The following STK39 variants were observed in gnomAD, a reference collection of about 807,000 sequenced individuals.
STK39 encodes the protein STE20/SPS1-related proline-alanine-rich protein kinase.
Under a neutral mutation model 77.8 loss-of-function variants are expected in STK39, and 20 were observed. The ratio of observed to expected loss-of-function variants is 0.26; its 90% CI spans 0.18 to 0.37. STK39 has a LOEUF of 0.37. Among genes scored for constraint, STK39 ranks in the 10% least tolerant of loss-of-function variants. STK39 has a pLI of 1.00. For synonymous variants in STK39, 246 were observed against 234.1 expected (o/e 1.05, Z -0.47); for missense variants, 479 against 656.5 (o/e 0.73, Z 2.95).
At chr2:168,087,290 C>G (rs1183514014) in intron 10 of STK39, among the ~76,000 whole-genome samples, 1 of 152,180 alleles carries the variant, frequency 6.6e-6, no homozygotes, top group Admixed American at 6.5e-5. Flanking sequence ...GGGCTGGAAC[C>G]AGAAGATTTC....
chr2:168,017,191 G>T lies in STK39; in HGVS notation c.1377-96C>A, dbSNP rs544262762. 2.0e-4 allele frequency: 143 copies of T among 730,924 alleles called. No homozygotes were observed. The African/African-American group carries it at 2.4e-3, about 12-fold the overall frequency. The allele number at this position is 730,924 out of a possible 1,614,324, so 45.3% of individuals were successfully genotyped here. A position where few individuals can be genotyped will look rare whatever the true frequency, so the allele number is the denominator to read the frequency against. ...TTTTCACAAGATGCTACTAACATGT[G>T]GATAACATTTTACAGTTTGAGGTTA... On this transcript the variant is annotated intron_variant, in intron 14 of 17. Coordinates refer to ENST00000355999, the MANE Select transcript of STK39 (RefSeq NM_013233.3).
intron 12 of STK39, among the ~76,000 whole-genome samples, chr2:168,066,027 C>A (rs1463680184): frequency 6.7e-6 from 1 of 150,210 alleles, no homozygotes; most frequent in African/African-American, 2.5e-5. Flanking sequence ...AAAAACAACA[C>A]CAACAACAAC....
chr2:168,172,273 A>G (rs552485963), intron 2 of STK39, among the ~76,000 whole-genome samples: 60 of 152,352 alleles, frequency 3.9e-4, no homozygotes, highest in African/African-American at 1.3e-3. Flanking sequence ...AAAGGCACAG[A>G]GACAGACCAT....
chr2:167,972,070 C>T (rs1179714495), intron 16 of STK39, among the ~76,000 whole-genome samples: 1 of 152,184 alleles, frequency 6.6e-6, no homozygotes, highest in Non-Finnish European at 1.5e-5. Context: ...AGATGATTTT[C>T]CTTTATGATG....
intron 16 of STK39, among the ~76,000 whole-genome samples, chr2:167,980,207 C>A (rs1034155505): frequency 3.9e-5 from 6 of 152,126 alleles, no homozygotes; most frequent in African/African-American, 4.8e-5. Context: ...GATTAAAAAA[C>A]AAACACTTAT....
At chr2:167,964,812 T>C (rs1186863744) in intron 16 of STK39, 86 bp from the exon 17 acceptor site, 1 of 1,183,360 alleles carries the variant, frequency 8.5e-7, no homozygotes, top group Admixed American at 2.1e-5. Flanking sequence ...AAAATTTGAC[T>C]AATGATGCAA....
chr2:168,123,006 C>T (rs898349136), intron 10 of STK39, among the ~76,000 whole-genome samples: 3 of 152,152 alleles, frequency 2.0e-5, no homozygotes, highest in Admixed American at 6.6e-5. Context: ...TCAAAGTGAA[C>T]GTTGCCAGTA....
intron 1 of STK39, among the ~76,000 whole-genome samples, chr2:168,228,794 T>A (rs1340507361): frequency 6.6e-6 from 1 of 151,654 alleles, no homozygotes; most frequent in Non-Finnish European, 1.5e-5. Context: ...CTCAAATAAA[T>A]AAATTAATTA....
At chr2:168,212,801 T>C (rs1348588454) in intron 1 of STK39, among the ~76,000 whole-genome samples, 2 of 152,214 alleles carry the variant, frequency 1.3e-5, no homozygotes, top group East Asian at 3.8e-4. Flanking sequence ...GGTCCTCCGA[T>C]CATCCTCTCC....
At chr2:167,988,126 A>G (rs1366845232) in intron 16 of STK39, among the ~76,000 whole-genome samples, 1 of 152,138 alleles carries the variant, frequency 6.6e-6, no homozygotes, top group Non-Finnish European at 1.5e-5. Flanking sequence ...CCTCTCAGAT[A>G]GCATTTACCT....
In STK39 at chr2:168,081,963, CCT is replaced by C. The variant is rs1181366194; in HGVS notation, c.1090-6734_1090-6733del. On this transcript the variant is annotated intron_variant, in intron 10 of 17. Coordinates refer to ENST00000355999, the MANE Select transcript of STK39 (RefSeq NM_013233.3). ...CACATGGAACTATAAGCCCATTAAACCTCTATTTCTTTTGTAAATTGCCTAGT... is the reference window on the plus strand; with the variant it reads ...CACATGGAACTATAAGCCCATTAAACCTATTTCTTTTGTAAATTGCCTAGT... Among the ~76,000 whole-genome samples the C allele has an allele frequency of 3.3e-5, 5 of 152,292 alleles. No individual in the cohort carries two copies. In the South Asian group the frequency reaches 6.2e-4, roughly 19 times the overall value.
chr2:168,231,231 T>G (rs1360376991), intron 1 of STK39, among the ~76,000 whole-genome samples: 2 of 152,190 alleles, frequency 1.3e-5, no homozygotes, highest in Non-Finnish European at 2.9e-5. Flanking sequence ...AAAACATTTT[T>G]GGAAGTATTT....
chr2:168,069,443 A>G (rs1448483556), intron 12 of STK39, among the ~76,000 whole-genome samples: 3 of 152,240 alleles, frequency 2.0e-5, no homozygotes, highest in African/African-American at 7.2e-5. Context: ...AAACTTTTCA[A>G]TATACCTTTT....
intron 5 of STK39, among the ~76,000 whole-genome samples, chr2:168,146,908 A>G (rs1326685398): frequency 2.6e-5 from 4 of 152,342 alleles, no homozygotes; most frequent in Middle Eastern, 3.4e-3. Flanking sequence ...GAATTAAGAA[A>G]AGAGGAAGGA....
intron 2 of STK39, among the ~76,000 whole-genome samples, chr2:168,169,629 A>AGTGTGTGTGTGTGTGT (rs1285407377): frequency 9.4e-6 from 1 of 106,520 alleles, no homozygotes; most frequent in East Asian, 4.6e-4. Context: ...CTTTGCAGTG[A>AGTGTGTGTGTGTGTGT]GCGTGTGTGT....
In STK39 at chr2:167,954,439, A is replaced by T. The variant is rs1423621579; in HGVS notation, c.*1057T>A. The T allele has an allele frequency of 6.6e-6, 1 of 152,530 alleles. No homozygotes were observed. The highest frequency in any genetic ancestry group is 1.5e-5 in the Non-Finnish European group (1 of 68,020). 9.4% of individuals were successfully genotyped at this position (152,530 alleles called of 1,614,324 possible). On this transcript the variant is annotated 3_prime_UTR_variant, in exon 18 of 18. Transcript: ENST00000355999. Reference sequence around the variant, plus strand: ...ACAAAACCCTTCCAATTTTCACTCCACCTGGGTATTCTGCAAAATTTCAAG... The same window carrying T: ...ACAAAACCCTTCCAATTTTCACTCCTCCTGGGTATTCTGCAAAATTTCAAG...
intron 14 of STK39, among the ~76,000 whole-genome samples, chr2:168,029,005 A>G (rs147968081): frequency 1.8e-4 from 28 of 152,340 alleles, no homozygotes; most frequent in African/African-American, 6.7e-4. Flanking sequence ...ATAGAAGTTT[A>G]TATCTTTAAG....
At chr2:167,988,560 A>G (rs1683617817) in intron 16 of STK39, among the ~76,000 whole-genome samples, 1 of 151,980 alleles carries the variant, frequency 6.6e-6, no homozygotes, top group Admixed American at 6.6e-5. Flanking sequence ...TGTTTTGAGG[A>G]TTATTTTGTT....
chr2:168,086,818 G>T (rs962254907), intron 10 of STK39, among the ~76,000 whole-genome samples: 2 of 152,200 alleles, frequency 1.3e-5, no homozygotes, highest in Non-Finnish European at 1.5e-5. Flanking sequence ...TGTTCTGGAA[G>T]TTGGAAGGGA....
Sources: gnomAD v4.1 joint callset for allele counts (sites outside exome capture counted in the v4.1 genomes callset) on GRCh38, gnomAD v4.1.1 for gene constraint, MANE v1.5 for transcripts, NCBI Gene and HGNC (gene_info 2026-07-23, HGNC 2026-07-21) for gene names.